The following PTPRT variants were observed in gnomAD, a reference collection of about 807,000 sequenced individuals.
PTPRT encodes protein tyrosine phosphatase receptor type T.
Under a neutral mutation model 176.8 loss-of-function variants are expected in PTPRT, and 56 were observed. The observed-to-expected ratio is 0.32, with a 90% CI of 0.26 to 0.40. The LOEUF is 0.40. PTPRT is among the 10% of genes least tolerant of loss of function. PTPRT has a pLI of 1.00. For missense variants in PTPRT, 1,540 were observed against 1,908.2 expected (o/e 0.81, Z 3.60); for synonymous variants, 783 against 739.0 (o/e 1.06, Z -0.96).
intron 17 of PTPRT, among the ~76,000 whole-genome samples, chr20:42,147,162 C>T (rs926852084): frequency 6.6e-5 from 10 of 152,148 alleles, no homozygotes; most frequent in African/African-American, 2.2e-4. Flanking sequence ...CTCCAGAACC[C>T]GATGCTGGCT....
rs544277519 is a variant in PTPRT at position 42,978,970 on chromosome 20, C to T, written c.89-93038G>A. ...TTACCTCAGTTTCCTAACAGACTTGCTTTCTCTTTACTCTAGGAACTCACC... is the reference window on the plus strand; with the variant it reads ...TTACCTCAGTTTCCTAACAGACTTGTTTTCTCTTTACTCTAGGAACTCACC... On this transcript the variant is annotated intron_variant, in intron 1 of 30. Transcript: ENST00000373187. Among the ~76,000 whole-genome samples the T allele has an allele frequency of 8.5e-5, 13 of 152,250 alleles. No homozygotes were observed. In the South Asian group the frequency reaches 2.5e-3, roughly 29 times the overall value.
intron 9 of PTPRT, among the ~76,000 whole-genome samples, chr20:42,445,606 T>A (rs1262833009): frequency 6.6e-6 from 1 of 152,190 alleles, no homozygotes; most frequent in Non-Finnish European, 1.5e-5. Context: ...CCTCAATAAT[T>A]TTGGCATATT....
intron 8 of PTPRT, among the ~76,000 whole-genome samples, chr20:42,468,665 A>G (rs183957554): frequency 6.6e-6 from 1 of 152,198 alleles, no homozygotes; most frequent in African/African-American, 2.4e-5. Flanking sequence ...AAGTTAAGGA[A>G]CGCCTTAAAG....
Position 42,775,369 on chromosome 20 carries a change from C to T in PTPRT, c.569-3819G>A, listed in dbSNP as rs114694055. On this transcript the variant is annotated intron_variant, in intron 4 of 30. Coordinates refer to ENST00000373187, the MANE Select transcript of PTPRT (RefSeq NM_007050.6). ...AAACATGTTGCAGATGCTCTGTGGG[C>T]TCGGGGACACGGCCCCACAAGATTG... is the stretch of plus-strand genomic sequence containing the variant. 6.1e-3 allele frequency among the ~76,000 whole-genome samples: 932 copies of T among 152,264 alleles called. 6 individuals carry two copies. The highest frequency in any genetic ancestry group is 0.021 in the African/African-American group (876 of 41,556).
At position 42,086,824 on chromosome 20, in the gene PTPRT, T is replaced by G. The variant is rs149190640; in HGVS notation, c.3847-971A>C. Among the ~76,000 whole-genome samples the G allele has an allele frequency of 7.3e-4, 105 of 144,280 alleles. 4 individuals are homozygous for G. The South Asian group carries it at 0.017, about 23-fold the overall frequency. 94.7% of individuals were successfully genotyped at this position (144,280 alleles called of 152,430 possible). A position where few individuals can be genotyped will look rare whatever the true frequency, so the allele number is the denominator to read the frequency against. On this transcript the variant is annotated intron_variant, in intron 27 of 30. Transcript: ENST00000373187. ...TCTGGTCTCAGGTGCTCACTAGCTG[T>G]GCAGCCCAGGCCTCAGTTTTCTCAT...
At chr20:42,765,597 T>G (rs2076971509) in intron 5 of PTPRT, among the ~76,000 whole-genome samples, 1 of 152,042 alleles carries the variant, frequency 6.6e-6, no homozygotes, top group South Asian at 2.1e-4. Flanking sequence ...GCGATGAAAA[T>G]AAAAAGCTTC....
intron 1 of PTPRT, among the ~76,000 whole-genome samples, chr20:42,917,697 C>T (rs530242672): frequency 2.6e-5 from 4 of 152,198 alleles, no homozygotes; most frequent in South Asian, 4.2e-4. Context: ...TCACCTGTAC[C>T]TTGGTACTTG....
chr20:42,680,261 G>A (rs567797934), intron 6 of PTPRT, among the ~76,000 whole-genome samples: 1 of 152,304 alleles, frequency 6.6e-6, no homozygotes, highest in South Asian at 2.1e-4. Flanking sequence ...CAAATCTTAA[G>A]GGACAACTCC....
intron 19 of PTPRT, among the ~76,000 whole-genome samples, chr20:42,126,014 G>A (rs772465930): frequency 1.3e-5 from 2 of 148,320 alleles, no homozygotes; most frequent in African/African-American, 2.5e-5. Flanking sequence ...CTACAAGGCG[G>A]TGTCTGGGAG....
intron 7 of PTPRT, among the ~76,000 whole-genome samples, chr20:42,676,374 T>C (rs1254600633): frequency 6.6e-6 from 1 of 152,184 alleles, no homozygotes; most frequent in African/African-American, 2.4e-5. Flanking sequence ...GGCAGAGCTG[T>C]ATGCACTTTC....
intron 1 of PTPRT, among the ~76,000 whole-genome samples, chr20:43,146,451 C>T (rs1389732370): frequency 1.3e-5 from 2 of 152,002 alleles, no homozygotes; most frequent in Non-Finnish European, 2.9e-5. Context: ...TTCAGAATAA[C>T]CACAGTTAGC....
At chr20:42,847,889 C>A (rs6030522) in intron 2 of PTPRT, among the ~76,000 whole-genome samples, 5,150 of 152,200 alleles carry the variant, frequency 0.034, 287 homozygotes, top group African/African-American at 0.12. Context: ...GGGTACATGA[C>A]TAAGTTATAT....
intron 1 of PTPRT, among the ~76,000 whole-genome samples, chr20:42,940,522 T>A (rs1182420806): frequency 6.6e-6 from 1 of 152,010 alleles, no homozygotes; most frequent in Non-Finnish European, 1.5e-5. Context: ...GAGATGAAGT[T>A]GAAGAGGAGA....
intron 6 of PTPRT, among the ~76,000 whole-genome samples, chr20:42,754,070 G>A (rs763057814): frequency 2.6e-5 from 4 of 152,136 alleles, no homozygotes; most frequent in Non-Finnish European, 4.4e-5. Context: ...GACCAGCCAC[G>A]GAAGGTATAA....
intron 6 of PTPRT, among the ~76,000 whole-genome samples, chr20:42,719,871 G>C (rs756944402): frequency 6.6e-6 from 1 of 152,146 alleles, no homozygotes; most frequent in Non-Finnish European, 1.5e-5. Context: ...TCTGACACAG[G>C]GTAAGAACGG....
At chr20:43,074,317 C>T (rs1488291462) in intron 1 of PTPRT, among the ~76,000 whole-genome samples, 1 of 152,162 alleles carries the variant, frequency 6.6e-6, no homozygotes, top group Non-Finnish European at 1.5e-5. Flanking sequence ...AATGATCATA[C>T]GTTCTTTTTC....
chr20:43,127,698 G>A (rs2013498930), intron 1 of PTPRT, among the ~76,000 whole-genome samples: 1 of 152,132 alleles, frequency 6.6e-6, no homozygotes, highest in Non-Finnish European at 1.5e-5. Context: ...AAAGAGCCCA[G>A]GTTGGTGAGT....
At chr20:42,452,443 T>TGA (rs1400902419) in intron 8 of PTPRT, among the ~76,000 whole-genome samples, 1 of 151,988 alleles carries the variant, frequency 6.6e-6, no homozygotes, top group Non-Finnish European at 1.5e-5. Context: ...ACGGAGGAAT[T>TGA]GAAGTGTCCT....
intron 1 of PTPRT, among the ~76,000 whole-genome samples, chr20:43,046,695 T>C (rs1454823074): frequency 1.3e-5 from 2 of 152,096 alleles, no homozygotes; most frequent in Non-Finnish European, 2.9e-5. Context: ...GAACCAGCCA[T>C]CCCAACACCA....
Sources: allele counts gnomAD v4.1 joint callset (sites outside exome capture counted in the v4.1 genomes callset), GRCh38; gene constraint gnomAD v4.1.1; transcripts MANE v1.5; gene names NCBI Gene and HGNC (gene_info 2026-07-23, HGNC 2026-07-21).